The following VWC2 variants were observed in gnomAD, a reference collection of about 807,000 sequenced individuals.
VWC2 encodes the protein brorin.
A neutral mutation model predicts 29.8 loss-of-function variants in VWC2; 14 were observed. The ratio of observed to expected loss-of-function variants is 0.47; its 90% confidence interval spans 0.31 to 0.74. VWC2 has a LOEUF of 0.74. VWC2 is among the 30% of genes least tolerant of loss of function. The pLI, the probability that VWC2 is intolerant of heterozygous loss-of-function variation, is 0.05. For missense variants in VWC2, 457 were observed against 459.8 expected, an observed-to-expected ratio of 0.99 and a Z score of 0.05; for synonymous variants, 213 against 199.0, an observed-to-expected ratio of 1.07 and a Z score of -0.59.
intron 2 of VWC2, among the ~76,000 whole-genome samples, chr7:49,799,926 T>C (rs1264173269): frequency 6.6e-6 from 1 of 152,164 alleles, no homozygotes; most frequent in Non-Finnish European, 1.5e-5. Flanking sequence ...TATCTAAACA[T>C]AGAAAAGATA....
chr7:49,855,177 T>G lies in VWC2; in HGVS notation c.826+52337T>G, dbSNP rs903150251. Among the ~76,000 whole-genome samples, 5 of 152,232 alleles carry G rather than the reference T, an allele frequency of 3.3e-5. No homozygotes were observed. In the South Asian group the frequency reaches 1.0e-3, roughly 32 times the overall value. On this transcript the variant is annotated intron_variant, in intron 3 of 3. Coordinates refer to ENST00000340652, the MANE Select transcript of VWC2 (RefSeq NM_198570.5). The stretch of plus-strand genomic sequence containing the variant: ...TTAATAGTTAATGCAATTATCATAT[T>G]TCTTAGTTCCCAAAAGGCAAATCTT...
At chr7:49,817,601 G>A (rs149025694) in intron 3 of VWC2, among the ~76,000 whole-genome samples, 1 of 152,266 alleles carries the variant, frequency 6.6e-6, no homozygotes, top group African/African-American at 2.4e-5. Flanking sequence ...TACACTAACA[G>A]CAAAACCCAA....
At chr7:49,787,896 A>C (rs988974471) in intron 2 of VWC2, among the ~76,000 whole-genome samples, 2 of 152,230 alleles carry the variant, frequency 1.3e-5, no homozygotes, top group Admixed American at 6.5e-5. Flanking sequence ...TCTAGGTAAC[A>C]GCAAGGGATG....
rs537628812 is a variant in VWC2 at position 49,851,632 on chromosome 7, G to A, written c.826+48792G>A. Among the ~76,000 whole-genome samples the A allele has an allele frequency of 2.6e-5, 4 of 152,322 alleles. No individual in the cohort carries two copies. The South Asian group carries it at 8.3e-4, about 32-fold the overall frequency. ...CCCAGCACTTCGGGAGGCCGAGGCG[G>A]GTGGATCATGAGGTCAGGAGATCGA... On this transcript the variant is annotated intron_variant, in intron 3 of 3. Transcript: ENST00000340652.
At chr7:49,778,423 C>T (rs1016092504) in intron 2 of VWC2, among the ~76,000 whole-genome samples, 38 of 152,306 alleles carry the variant, frequency 2.5e-4, no homozygotes, top group African/African-American at 8.7e-4. Flanking sequence ...CATGCTTGAA[C>T]GTTGCAAAGT....
intron 2 of VWC2, among the ~76,000 whole-genome samples, chr7:49,781,107 G>C (rs149341340): frequency 0.013 from 1,961 of 152,290 alleles, 44 homozygotes; most frequent in African/African-American, 0.045. Flanking sequence ...AGTAAAATGA[G>C]TCAATCTGTG....
At chr7:49,798,124 TTA>T (rs1201258524) in intron 2 of VWC2, among the ~76,000 whole-genome samples, 1 of 152,224 alleles carries the variant, frequency 6.6e-6, no homozygotes, top group Non-Finnish European at 1.5e-5. Context: ...CATCTTACCT[TTA>T]GTTTCCATGT....
rs762404417 is a variant in VWC2, at chr7:49,920,621, A to G, written c.*8436A>G. ...CCGAGTTTGCTATTCTCATTTGTCT[A>G]TGTCAATACGGCTACATAAAGTTCA... On this transcript the variant is annotated 3_prime_UTR_variant, in exon 4 of 4. Coordinates refer to ENST00000340652, the MANE Select transcript of VWC2 (RefSeq NM_198570.5). 2 of 152,222 alleles carry G rather than the reference A, an allele frequency of 1.3e-5. No individual in the cohort carries two copies. The highest frequency in any genetic ancestry group is 2.9e-5 in the Non-Finnish European group (2 of 68,038). The allele number at this position is 152,222 out of a possible 1,614,324, so 9.4% of individuals were successfully genotyped here. A position where few individuals can be genotyped will look rare whatever the true frequency, so the allele number is the denominator to read the frequency against.
intron 3 of VWC2, among the ~76,000 whole-genome samples, chr7:49,892,036 T>TGG: frequency 8.6e-6 from 1 of 116,062 alleles, no homozygotes; most frequent in African/African-American, 3.3e-5. Context: ...AGTAGATTTT[T>TGG]TTTTTTTTTT....
At chr7:49,833,769 A>G (rs960003462) in intron 3 of VWC2, among the ~76,000 whole-genome samples, 3 of 152,204 alleles carry the variant, frequency 2.0e-5, no homozygotes, top group African/African-American at 7.2e-5. Flanking sequence ...GTGGTCTCAG[A>G]TGGCTTGAAC....
At chr7:49,882,390 C>G (rs907499918) in intron 3 of VWC2, among the ~76,000 whole-genome samples, 3 of 152,166 alleles carry the variant, frequency 2.0e-5, no homozygotes, top group Non-Finnish European at 4.4e-5. Flanking sequence ...AAACCATCCA[C>G]TGTCTTTATT....
intron 3 of VWC2, among the ~76,000 whole-genome samples, chr7:49,855,313 A>G (rs495047): frequency 0.054 from 8,211 of 152,220 alleles, 735 homozygotes; most frequent in African/African-American, 0.19. Flanking sequence ...AAGTTTCATG[A>G]TCTTCCTTAT....
intron 3 of VWC2, among the ~76,000 whole-genome samples, chr7:49,859,642 G>A (rs1054113862): frequency 3.9e-5 from 6 of 152,224 alleles, no homozygotes; most frequent in African/African-American, 7.2e-5. Flanking sequence ...TATTGCATGC[G>A]AATACTGTGC....
intron 3 of VWC2, among the ~76,000 whole-genome samples, chr7:49,885,346 T>A (rs1562752318): frequency 6.6e-6 from 1 of 152,090 alleles, no homozygotes; most frequent in African/African-American, 2.4e-5. Context: ...ACCTAATTTT[T>A]AAAAAATATC....
At chr7:49,808,136 T>C (rs1478607544) in intron 3 of VWC2, among the ~76,000 whole-genome samples, 2 of 152,120 alleles carry the variant, frequency 1.3e-5, no homozygotes, top group Non-Finnish European at 2.9e-5. Context: ...GAACTTCCTG[T>C]TCTGCTGGAA....
chr7:49,888,328 T>TA (rs1417372543), intron 3 of VWC2, among the ~76,000 whole-genome samples: 2 of 152,232 alleles, frequency 1.3e-5, no homozygotes, highest in African/African-American at 4.8e-5. Flanking sequence ...GTTAACTCTG[T>TA]AGCTATTATT....
chr7:49,893,502 A>G (rs1272433850), intron 3 of VWC2, among the ~76,000 whole-genome samples: 1 of 152,180 alleles, frequency 6.6e-6, no homozygotes, highest in Non-Finnish European at 1.5e-5. Context: ...TTGAACTCTT[A>G]GTTAAAAATG....
intron 2 of VWC2, among the ~76,000 whole-genome samples, chr7:49,784,045 G>A (rs1426999241): frequency 6.6e-6 from 1 of 152,162 alleles, no homozygotes; most frequent in Non-Finnish European, 1.5e-5. Context: ...AGGATAGCCT[G>A]ACAACTCACC....
chr7:49,786,984 T>G (rs962396436), intron 2 of VWC2, among the ~76,000 whole-genome samples: 1 of 152,174 alleles, frequency 6.6e-6, no homozygotes, highest in Admixed American at 6.5e-5. Context: ...AGTTTAAATA[T>G]TCTTAGAAAA....
Sources: gnomAD v4.1 joint callset for allele counts (sites outside exome capture counted in the v4.1 genomes callset) on GRCh38, gnomAD v4.1.1 for gene constraint, MANE v1.5 for transcripts, NCBI Gene and HGNC (gene_info 2026-07-23, HGNC 2026-07-21) for gene names.